NCAM1: variants seen among roughly 807,000 people sequenced by gnomAD.
The protein encoded by NCAM1 is neural cell adhesion molecule 1.
NCAM1 carries 14 observed loss-of-function variants against 109.8 expected under a neutral mutation model. The observed-to-expected ratio is 0.13, with a 90% CI of 0.08 to 0.20. The LOEUF (loss-of-function observed/expected upper bound fraction) is 0.20, where lower values mean the gene tolerates loss of function less well. Among genes scored for constraint, NCAM1 ranks in the 10% least tolerant of loss-of-function variants. The probability of loss-of-function intolerance (pLI) is 1.00; values close to 1 mark genes in which losing one functional copy is unlikely to be tolerated. For missense variants in NCAM1, 774 were observed against 1,109.9 expected (o/e 0.70, Z 4.30); for synonymous variants, 418 against 442.9 (o/e 0.94, Z 0.70).
At chr11:113,006,083 T>A (rs1555073266) in intron 1 of NCAM1, among the ~76,000 whole-genome samples, 1 of 152,198 alleles carries the variant, frequency 6.6e-6, no homozygotes, top group Non-Finnish European at 1.5e-5. Flanking sequence ...ATGTCCTTTT[T>A]TGGTTTCAAA....
At chr11:113,202,345 T>TTTTGG in intron 1 of NCAM1, 34 bp from the exon 2 acceptor site, 1 of 1,469,360 alleles carries the variant, frequency 6.8e-7, no homozygotes, top group Non-Finnish European at 9.0e-7. Flanking sequence ...TTTTTTTGTT[T>TTTTGG]TTTGTTTTGT....
At chr11:113,240,950 AGC>A in intron 14 of NCAM1, 1 of 1,099,608 alleles carries the variant, frequency 9.1e-7, no homozygotes, top group Non-Finnish European at 1.4e-6. Flanking sequence ...GGTGGAAAGC[AGC>A]GTCGGGTTTT....
At chr11:113,216,146 A>ATTTTTTTT (rs34687568) in intron 8 of NCAM1, among the ~76,000 whole-genome samples, 6 of 101,502 alleles carry the variant, frequency 5.9e-5, no homozygotes, top group East Asian at 5.5e-4. Context: ...CTATGATTTC[A>ATTTTTTTT]TTTTTTTTTT....
intron 1 of NCAM1, among the ~76,000 whole-genome samples, chr11:113,164,574 G>A (rs1555104939): frequency 2.6e-5 from 4 of 152,142 alleles, no homozygotes; most frequent in Non-Finnish European, 5.9e-5. Flanking sequence ...AGAACTCAGG[G>A]AAACACATAT....
intron 1 of NCAM1, among the ~76,000 whole-genome samples, chr11:113,161,579 T>TA (rs1277926413): frequency 2.0e-5 from 3 of 152,338 alleles, no homozygotes; most frequent in Non-Finnish European, 4.4e-5. Flanking sequence ...AAACCTCTTA[T>TA]AAAAAACATT....
chr11:113,210,422 G>A (rs1159180767), intron 7 of NCAM1, among the ~76,000 whole-genome samples: 1 of 152,088 alleles, frequency 6.6e-6, no homozygotes, highest in African/African-American at 2.4e-5. Flanking sequence ...ATCTAACAAT[G>A]ATGGTTGTTA....
At chr11:112,978,774 C>T (rs1410192846) in intron 1 of NCAM1, among the ~76,000 whole-genome samples, 2 of 151,764 alleles carry the variant, frequency 1.3e-5, no homozygotes, top group Non-Finnish European at 2.9e-5. Flanking sequence ...ATTTGAATTT[C>T]ACAAGGGGGA....
intron 9 of NCAM1, among the ~76,000 whole-genome samples, chr11:113,226,410 G>A (rs1189647727): frequency 1.3e-5 from 2 of 152,186 alleles, no homozygotes; most frequent in East Asian, 3.9e-4. Flanking sequence ...ACCCAGTACA[G>A]GAGCACCCGG....
intron 1 of NCAM1, among the ~76,000 whole-genome samples, chr11:113,038,834 T>A (rs1952977485): frequency 6.6e-6 from 1 of 152,210 alleles, no homozygotes; most frequent in Non-Finnish European, 1.5e-5. Context: ...GTGGTGAGAA[T>A]CCATCAGCTT....
rs4547132 is a variant in NCAM1 at position 112,962,091 on chromosome 11, C to T, written c.52+427C>T. On this transcript the variant is annotated intron_variant, in intron 1 of 19. Coordinates refer to ENST00000316851, the MANE Select transcript of NCAM1 (RefSeq NM_181351.5). This position sits in a 1 kb window ranked among gnomAD's most constrained non-coding sequence, Gnocchi z 5.6. ...CCGAGGGGGAAGTGGCTTGTCAGCC[C>T]CGGCTCCGGGAAGAGTGAACAATAA... Among the ~76,000 whole-genome samples the T allele has an allele frequency of 0.34, 51,294 of 152,012 alleles. 9,163 individuals carry two copies. Among genetic ancestry groups the T allele is most frequent in the South Asian group, 0.48 (2,303 of 4,824 alleles).
intron 1 of NCAM1, among the ~76,000 whole-genome samples, chr11:113,063,821 T>C (rs1232254298): frequency 1.3e-5 from 2 of 152,192 alleles, no homozygotes; most frequent in Non-Finnish European, 2.9e-5. Flanking sequence ...AAATTTGACT[T>C]AGTTTAAGTG....
chr11:113,235,295 A>G, intron 14 of NCAM1, 131 bp downstream of exon 14: 3 of 1,570,030 alleles, frequency 1.9e-6, no homozygotes, highest in Non-Finnish European at 1.7e-6. Context: ...CTGCTCCTGG[A>G]GGCCCCACCT....
At chr11:112,961,833 G>C (rs1308809765) in intron 1 of NCAM1, among the ~76,000 whole-genome samples, 169 bp downstream of exon 1, 2 of 152,236 alleles carry the variant, frequency 1.3e-5, no homozygotes, top group Admixed American at 1.3e-4. Flanking sequence ...GCCGAACCCC[G>C]CTCCCTCCAG....
chr11:112,976,967 A>G (rs1449161890), intron 1 of NCAM1, among the ~76,000 whole-genome samples: 1 of 147,918 alleles, frequency 6.8e-6, no homozygotes, highest in African/African-American at 2.5e-5. Context: ...CATTAGGTGC[A>G]AACGTCAGGT....
chr11:112,985,061 A>G (rs1422767787), intron 1 of NCAM1, among the ~76,000 whole-genome samples: 2 of 151,766 alleles, frequency 1.3e-5, no homozygotes, highest in Middle Eastern at 3.4e-3. Context: ...ATTTTTGTGT[A>G]TGGTGTAAGA....
chr11:113,027,494 C>T (rs10891491), intron 1 of NCAM1, among the ~76,000 whole-genome samples: 13,378 of 152,262 alleles, frequency 0.088, 767 homozygotes, highest in East Asian at 0.21. Flanking sequence ...TCATCAAGAC[C>T]TTTAAAGATG....
chr11:112,993,612 T>C (rs1951520203), intron 1 of NCAM1, among the ~76,000 whole-genome samples: 1 of 152,244 alleles, frequency 6.6e-6, no homozygotes, highest in Non-Finnish European at 1.5e-5. Flanking sequence ...TTCCAATTGT[T>C]AACATTTGTT....
intron 1 of NCAM1, among the ~76,000 whole-genome samples, chr11:113,145,106 T>G (rs575202225): frequency 6.6e-5 from 10 of 152,338 alleles, no homozygotes; most frequent in African/African-American, 2.2e-4. Flanking sequence ...TCAAGCTACT[T>G]GAACATTTTG....
chr11:113,210,351 C>G (rs1348585542), intron 7 of NCAM1, among the ~76,000 whole-genome samples: 1 of 152,118 alleles, frequency 6.6e-6, no homozygotes, highest in Non-Finnish European at 1.5e-5. Flanking sequence ...AACCTGATCA[C>G]AGAGGGATGA....
Sources: gnomAD v4.1 joint callset for allele counts (sites outside exome capture counted in the v4.1 genomes callset) on GRCh38, gnomAD v4.1.1 for gene constraint, Gnocchi (gnomAD v3.1) non-coding constraint, MANE v1.5 for transcripts, NCBI Gene and HGNC (gene_info 2026-07-23, HGNC 2026-07-21) for gene names.